PDXDC1: variants seen among roughly 807,000 people sequenced by gnomAD.
PDXDC1 encodes the protein pyridoxal-dependent decarboxylase domain-containing protein 1.
In PDXDC1, 42 loss-of-function variants were observed where a neutral mutation model predicts 100.1. The ratio of observed to expected loss-of-function variants is 0.42; its 90% CI spans 0.33 to 0.54. The LOEUF (loss-of-function observed/expected upper bound fraction) is 0.54, where lower values mean the gene tolerates loss of function less well. Ranked by LOEUF, PDXDC1 falls within the 20% of genes least tolerant of loss-of-function variation. The probability of loss-of-function intolerance (pLI) is 0.10; values close to 1 mark genes in which losing one functional copy is unlikely to be tolerated. For missense variants in PDXDC1, 636 were observed against 979.2 expected, an observed-to-expected ratio of 0.65 and a Z score of 4.68; for synonymous variants, 260 against 371.7, an observed-to-expected ratio of 0.70 and a Z score of 3.46.
chr16:14,984,450 A>AGT (rs1567611081), intron 1 of PDXDC1, among the ~76,000 whole-genome samples: 27 of 105,406 alleles, frequency 2.6e-4, no homozygotes, highest in African/African-American at 7.6e-4. Flanking sequence ...AGAGAGAGAG[A>AGT]GAGAGTGTGT....
intron 16 of PDXDC1, chr16:15,108,096 T>A (rs1489696784): frequency 1.1e-6 from 1 of 921,428 alleles, no homozygotes; most frequent in African/African-American, 1.8e-5. Context: ...TAAGTCAGGG[T>A]GTCATGTCCT....
intron 12 of PDXDC1, among the ~76,000 whole-genome samples, chr16:15,020,799 C>G (rs1158758900): frequency 1.3e-5 from 2 of 151,964 alleles, no homozygotes; most frequent in Admixed American, 1.3e-4. Context: ...GCCTGGCCAA[C>G]ATGGTGAGAC....
chr16:15,095,862 GT>G (rs1391460846), intron 16 of PDXDC1, among the ~76,000 whole-genome samples: 78 of 10,750 alleles, frequency 7.3e-3, no homozygotes, highest in Middle Eastern at 0.056. Context: ...AAAAAAAAAG[GT>G]GTGTGTGTGT....
intron 16 of PDXDC1, among the ~76,000 whole-genome samples, chr16:15,101,343 G>C (rs1199651404): frequency 6.6e-6 from 1 of 152,182 alleles, no homozygotes; most frequent in African/African-American, 2.4e-5. Context: ...TTGAGACGGA[G>C]TCTCGCTCTT....
chr16:15,150,668 CAAACA>C, the PDXDC1 span: 2 of 136,072 alleles, frequency 1.5e-5, no homozygotes, highest in South Asian at 2.5e-4. Context: ...GACTCCGTCT[CAAACA>C]AAACAAAACA....
Position 15,014,985 on chromosome 16 carries a change from T to A in PDXDC1, c.728-1144T>A, listed in dbSNP as rs564548499. ...TGGAGTCTTGCTTTGTTGCCCAGGC[T>A]GGAGTGCAGTGGCACGATCTCGGCT... On this transcript the variant is annotated intron_variant, in intron 8 of 22. Transcript: ENST00000396410. 2.0e-5 allele frequency among the ~76,000 whole-genome samples: 3 copies of A among 152,414 alleles called. No homozygotes were observed. The South Asian group carries it at 6.2e-4, about 32-fold the overall frequency.
Position 15,035,997 on chromosome 16 carries a change from C to CT in PDXDC1, c.2108-18dup, listed in dbSNP as rs2043420912. On this transcript the variant is annotated intron_variant, in intron 22 of 22. Coordinates refer to ENST00000396410, the MANE Select transcript of PDXDC1 (RefSeq NM_015027.4). ...TATCCTCACTGAGTTTCAGCGCAGTCTGTCTGCCCTTTCTGTAGGCCAGAA... is the reference window on the plus strand; with the variant it reads ...TATCCTCACTGAGTTTCAGCGCAGTCTTGTCTGCCCTTTCTGTAGGCCAGAA... 3 of 1,599,262 alleles carry CT rather than the reference C, an allele frequency of 1.9e-6. No homozygotes were observed. The Admixed American group carries it at 5.3e-5, about 28-fold the overall frequency.
intron 16 of PDXDC1, among the ~76,000 whole-genome samples, chr16:15,090,296 A>T (rs2046081226): frequency 6.6e-6 from 1 of 152,164 alleles, no homozygotes; most frequent in South Asian, 2.1e-4. Context: ...AGAACAGTGG[A>T]CTTAAATGTG....
In PDXDC1 at chr16:15,028,911, T is replaced by C. The variant is rs1597638739; in HGVS notation, c.1238T>C (p.Met413Thr). The C allele has an allele frequency of 6.2e-7, 1 of 1,614,024 alleles. No homozygotes were observed. The highest frequency in any genetic ancestry group is 1.3e-5 in the African/African-American group (1 of 75,084). The change falls in exon 15 of 23, where the codon ATG (methionine) becomes ACG (threonine). Residue 413 changes from methionine (M) to threonine (T), a missense_variant. This residue lies in a region of PDXDC1 where 44 missense variants were observed against 46.9 expected (regional missense o/e 0.94). Coordinates refer to ENST00000396410, the MANE Select transcript of PDXDC1 (RefSeq NM_015027.4). The part of the protein sequence containing the change: ...PVFKAVPVPN[M>T]TPSGVGRERH... The stretch of plus-strand genomic sequence containing the variant: ...TTTAAAGCCGTCCCAGTGCCCAACA[T>C]GACACCTTCAGGAGTCGGCCGGGAG...
At chr16:14,979,893 TGAC>T (rs1967568249) in intron 1 of PDXDC1, among the ~76,000 whole-genome samples, 1 of 152,300 alleles carries the variant, frequency 6.6e-6, no homozygotes, top group African/African-American at 2.4e-5. Context: ...AAGGTTGAAA[TGAC>T]CAGTTTCCGT....
intron 16 of PDXDC1, among the ~76,000 whole-genome samples, chr16:15,064,771 C>T (rs886317759): frequency 6.6e-6 from 1 of 152,188 alleles, no homozygotes; most frequent in African/African-American, 2.4e-5. Flanking sequence ...GTGAAATATA[C>T]GCAGGGAGAC....
intron 1 of PDXDC1, chr16:14,989,510 C>G: frequency 1.2e-6 from 2 of 1,612,186 alleles, no homozygotes; most frequent in South Asian, 1.1e-5. Flanking sequence ...CAGTCTGCAG[C>G]GCGGTCACGC....
intron 16 of PDXDC1, among the ~76,000 whole-genome samples, chr16:15,058,298 A>G (rs1413333597): frequency 1.3e-5 from 2 of 152,046 alleles, no homozygotes; most frequent in Non-Finnish European, 2.9e-5. Flanking sequence ...GTCTCAAAAA[A>G]AAAAGAAAAA....
At chr16:15,020,975 A>AAT (rs370903249) in intron 12 of PDXDC1, among the ~76,000 whole-genome samples, 1 of 145,842 alleles carries the variant, frequency 6.9e-6, no homozygotes, top group Non-Finnish European at 1.5e-5. Flanking sequence ...GCACCATCTA[A>AAT]ACACACACAC....
At chr16:15,140,242 C>G (rs2048447108), downstream of PDXDC1, among the ~76,000 whole-genome samples, 1 of 150,660 alleles carries the variant, frequency 6.6e-6, no homozygotes, top group Non-Finnish European at 1.5e-5. Context: ...GTCAGGAGTT[C>G]AAGACCAGAC....
chr16:15,109,238 A>T (rs534877579), intron 16 of PDXDC1: 1 of 148,960 alleles, frequency 6.7e-6, no homozygotes, highest in East Asian at 1.9e-4. Context: ...GAGGTGACCC[A>T]AGCATTGAAT....
intron 1 of PDXDC1, among the ~76,000 whole-genome samples, chr16:14,990,905 T>A (rs1970626719): frequency 6.6e-6 from 1 of 152,276 alleles, no homozygotes. Context: ...CATGCCCAGC[T>A]AATTTTTGTA....
chr16:15,049,316 AC>A (rs1273103938), intron 16 of PDXDC1, among the ~76,000 whole-genome samples: 1 of 152,012 alleles, frequency 6.6e-6, no homozygotes, highest in African/African-American at 2.4e-5. Context: ...TGCATAAGCC[AC>A]CATACCTGGC....
chr16:15,087,447 G>A (rs919028989), intron 16 of PDXDC1, among the ~76,000 whole-genome samples: 2 of 152,166 alleles, frequency 1.3e-5, no homozygotes, highest in Non-Finnish European at 2.9e-5. Context: ...CTCGGTCAAG[G>A]CTATCCTCTG....
Sources: allele counts gnomAD v4.1 joint callset (sites outside exome capture counted in the v4.1 genomes callset), GRCh38; gene constraint gnomAD v4.1.1; regional missense constraint gnomAD v4.1.1; transcripts MANE v1.5; gene names NCBI Gene and HGNC (gene_info 2026-07-23, HGNC 2026-07-21).